Variants in POLA1 observed in about 807,000 individuals in gnomAD.
The protein encoded by POLA1 is DNA polymerase alpha 1, catalytic subunit.
In POLA1, 15 loss-of-function variants were observed where a neutral mutation model predicts 124.0. The observed-to-expected ratio is 0.12, with a 90% CI of 0.08 to 0.19. POLA1 has a LOEUF of 0.19. POLA1 is among the 10% of genes least tolerant of loss of function. The pLI, the probability that POLA1 is intolerant of heterozygous loss-of-function variation, is 1.00. For missense variants in POLA1, 886 were observed against 1,103.4 expected (o/e 0.80, Z 2.79); for synonymous variants, 408 against 389.4 (o/e 1.05, Z -0.56).
intron 36 of POLA1, among the ~76,000 whole-genome samples, chrX:24,952,101 A>ATT (rs2048054212): frequency 8.9e-6 from 1 of 111,760 alleles, no homozygotes; most frequent in Non-Finnish European, 1.9e-5. Flanking sequence ...AATTGCTGAC[A>ATT]TTAGACCATT....
At chrX:24,899,551 G>GT (rs1471607475) in intron 35 of POLA1, among the ~76,000 whole-genome samples, 1 of 111,420 alleles carries the variant, frequency 9.0e-6, no homozygotes, top group Non-Finnish European at 1.9e-5. Context: ...CGAATTCCTG[G>GT]TGGAAAAAAA....
At chrX:24,919,420 C>T (rs937479309) in intron 35 of POLA1, among the ~76,000 whole-genome samples, 4 of 111,293 alleles carry the variant, frequency 3.6e-5, no homozygotes, top group African/African-American at 1.3e-4. Context: ...GTCTTCGTAA[C>T]AGTGCCTTGA....
rs1031600111 is a variant in POLA1, at chrX:24,715,785, T to G, written c.526-577T>G. Among the ~76,000 whole-genome samples, 8 of 111,472 alleles carry G rather than the reference T, an allele frequency of 7.2e-5. No individual in the cohort carries two copies. In the South Asian group the frequency reaches 1.5e-3, roughly 21 times the overall value. ...TAGTAAGAATATACCCAGGAGTCAG[T>G]TCTGTGAGTGCTCACTGCTTGTGTT... On this transcript the variant is annotated intron_variant, in intron 6 of 36. Transcript: ENST00000379068.
intron 17 of POLA1, among the ~76,000 whole-genome samples, chrX:24,734,801 A>G (rs1044939488): frequency 9.0e-6 from 1 of 111,236 alleles, no homozygotes; most frequent in Non-Finnish European, 1.9e-5. Context: ...TTTTTAGTAG[A>G]GACAGGGTTT....
At chrX:24,839,639 C>G (rs2046385582) in intron 32 of POLA1, among the ~76,000 whole-genome samples, 1 of 111,704 alleles carries the variant, frequency 9.0e-6, no homozygotes, top group Admixed American at 9.5e-5. Flanking sequence ...CGTAGCCTGG[C>G]CAATTTTGTA....
chrX:24,783,742 A>G (rs1477226601), intron 26 of POLA1, among the ~76,000 whole-genome samples: 4 of 112,092 alleles, frequency 3.6e-5, no homozygotes, highest in Non-Finnish European at 5.6e-5. Context: ...AGTTTTCCTT[A>G]CATTACTTGT....
At chrX:24,728,269 CCTT>C (rs1930666950) in intron 15 of POLA1, among the ~76,000 whole-genome samples, 1 of 112,233 alleles carries the variant, frequency 8.9e-6, no homozygotes, top group African/African-American at 3.2e-5. Context: ...TTATTTCCCT[CCTT>C]TTTTTCTTCT....
At chrX:24,810,163 T>C (rs1450669693) in intron 27 of POLA1, among the ~76,000 whole-genome samples, 1 of 111,707 alleles carries the variant, frequency 9.0e-6, no homozygotes, top group East Asian at 2.8e-4. Context: ...GTAACAGTGC[T>C]AATTAGAGTT....
rs186360167 is a variant in POLA1 at position 24,805,392 on chromosome X, A to G, written c.2965-4506A>G. 3.6e-5 allele frequency among the ~76,000 whole-genome samples: 4 copies of G among 111,767 alleles called. No individual in the cohort carries two copies. In the East Asian group the frequency reaches 1.1e-3, roughly 31 times the overall value. On this transcript the variant is annotated intron_variant, in intron 26 of 36. Transcript: ENST00000379068. ...TGCAAGAGAGCCTTGTGTGACACCG[A>G]GTCTCCTGATTGGGGAGATCATTAC...
At chrX:24,921,844 T>G (rs948595073) in intron 35 of POLA1, among the ~76,000 whole-genome samples, 4 of 107,979 alleles carry the variant, frequency 3.7e-5, no homozygotes, top group African/African-American at 1.5e-4. Flanking sequence ...GACCAGTTAT[T>G]AAGATATTTG....
At chrX:24,979,380 C>T (rs1223888714) in intron 36 of POLA1, among the ~76,000 whole-genome samples, 2 of 112,041 alleles carry the variant, frequency 1.8e-5, no homozygotes, top group African/African-American at 3.2e-5. Flanking sequence ...TTTTCTGCAT[C>T]ACTGAGATGG....
At chrX:24,904,526 G>A (rs1240434398) in intron 35 of POLA1, among the ~76,000 whole-genome samples, 2 of 110,090 alleles carry the variant, frequency 1.8e-5, no homozygotes, top group Admixed American at 9.7e-5. Context: ...AGAACTCCAA[G>A]GAAGGGAAAT....
intron 26 of POLA1, among the ~76,000 whole-genome samples, chrX:24,757,513 C>T (rs1173823022): frequency 3.0e-5 from 3 of 100,685 alleles, no homozygotes; most frequent in Non-Finnish European, 5.9e-5. Flanking sequence ...GATCTCGGCT[C>T]ACTGCAGGCT....
chrX:24,815,703 T>C (rs1381595346), intron 30 of POLA1, among the ~76,000 whole-genome samples: 2 of 111,935 alleles, frequency 1.8e-5, no homozygotes, highest in Non-Finnish European at 3.8e-5. Context: ...AGTACCCTTA[T>C]ATATTCAGAA....
At position 24,953,869 on chromosome X, in the gene POLA1, A is replaced by G. The variant is rs183861056; in HGVS notation, c.4261+23320A>G. On this transcript the variant is annotated intron_variant, in intron 36 of 36. Transcript: ENST00000379068. The stretch of plus-strand genomic sequence containing the variant: ...TAGGGAGATTCTGAAGAGCATCACA[A>G]CTTTCAAAGGTGACTGGGATAATGC... Among the ~76,000 whole-genome samples, 497 of 112,224 alleles carry G rather than the reference A, an allele frequency of 4.4e-3. 3 individuals carry two copies. Among genetic ancestry groups the G allele is most frequent in the Non-Finnish European group, 6.8e-3 (362 of 53,228 alleles).
intron 35 of POLA1, among the ~76,000 whole-genome samples, chrX:24,929,135 A>G (rs2047736435): frequency 8.9e-6 from 1 of 112,374 alleles, no homozygotes; most frequent in African/African-American, 3.2e-5. Context: ...CTCCTGCACC[A>G]AATTGGGTTG....
intron 36 of POLA1, among the ~76,000 whole-genome samples, chrX:24,950,989 A>G (rs755386187): frequency 1.3e-4 from 14 of 111,939 alleles, no homozygotes; most frequent in African/African-American, 3.6e-4. Flanking sequence ...ACATGTTCCA[A>G]TTTCAGAGAT....
chrX:24,806,605 G>T (rs1203393779), intron 26 of POLA1, among the ~76,000 whole-genome samples: 4 of 111,642 alleles, frequency 3.6e-5, no homozygotes, highest in African/African-American at 1.3e-4. Flanking sequence ...TCAGCTGCTA[G>T]TGAGGCCCAC....
At chrX:24,889,068 C>T (rs1013018759) in intron 35 of POLA1, among the ~76,000 whole-genome samples, 2 of 111,008 alleles carry the variant, frequency 1.8e-5, no homozygotes, top group Admixed American at 9.6e-5. Context: ...CAGGGTTTTA[C>T]CATGTTGGCC....
Sources: allele counts gnomAD v4.1 joint callset (sites outside exome capture counted in the v4.1 genomes callset), GRCh38; gene constraint gnomAD v4.1.1; transcripts MANE v1.5; gene names NCBI Gene and HGNC (gene_info 2026-07-23, HGNC 2026-07-21).